GANC: variants seen among roughly 807,000 people sequenced by gnomAD.
The protein encoded by GANC is neutral alpha-glucosidase C.
A neutral mutation model predicts 124.2 loss-of-function variants in GANC; 117 were observed. The observed-to-expected ratio is 0.94, with a 90% confidence interval of 0.81 to 1.10. The LOEUF is 1.10. Among genes scored for constraint, GANC ranks in the 50% least tolerant of loss-of-function variants. The pLI is 0.00. For missense variants in GANC, 1,140 were observed against 1,095.0 expected, an observed-to-expected ratio of 1.04 and a Z score of -0.58; for synonymous variants, 377 against 376.8, an observed-to-expected ratio of 1.00 and a Z score of -0.01.
intron 23 of GANC, 124 bp downstream of exon 23, chr15:42,351,556 T>C (rs887797632): frequency 3.1e-5 from 21 of 669,408 alleles, no homozygotes; most frequent in Non-Finnish European, 5.5e-5. Flanking sequence ...CAGGTAGAGG[T>C]GAAATATACT....
chr15:42,327,530 T>C (rs1333589632), intron 13 of GANC, 88 bp downstream of exon 13: 8 of 1,051,652 alleles, frequency 7.6e-6, no homozygotes, highest in Admixed American at 3.8e-5. Context: ...TTCTTTTTCA[T>C]TGAGTAGCTT....
At chr15:42,341,990 C>T (rs1056168746) in intron 18 of GANC, among the ~76,000 whole-genome samples, 7 of 152,046 alleles carry the variant, frequency 4.6e-5, no homozygotes, top group African/African-American at 1.5e-4. Context: ...AAAATCAGCC[C>T]CTCTTATTAT....
At chr15:42,341,187 A>C (rs534142752) in intron 18 of GANC, among the ~76,000 whole-genome samples, 2 of 152,220 alleles carry the variant, frequency 1.3e-5, no homozygotes, top group Admixed American at 1.3e-4. Context: ...AAATATAGGA[A>C]ATTCCTTCAC....
intron 16 of GANC, among the ~76,000 whole-genome samples, chr15:42,339,305 A>AACACACACACACACAC (rs60116980): frequency 3.9e-4 from 46 of 119,248 alleles, no homozygotes; most frequent in Admixed American, 6.7e-4. Context: ...ACCCCCCTCC[A>AACACACACACACACAC]ACACACACAC....
At chr15:42,350,022 CTTTTTTTTTT>C (rs753077889) in intron 22 of GANC, among the ~76,000 whole-genome samples, 7 of 75,040 alleles carry the variant, frequency 9.3e-5, no homozygotes, top group Admixed American at 2.0e-4. Context: ...CTTTCCCCCA[CTTTTTTTTTT>C]TTTTTTTTTT....
rs1287568154 is a variant in GANC, at chr15:42,310,264, GATA to G, written c.723-16_723-14del. On this transcript the variant is annotated splice_polypyrimidine_tract_variant and intron_variant, in intron 8 of 23. Coordinates refer to ENST00000318010, the MANE Select transcript of GANC (RefSeq NM_198141.3). ...TAATATATTTGTGATGGTAATTGAT[GATA>G]ATCTTTGTGTTTCAGTGATGGAGAT... 6 of 1,548,974 alleles carry G rather than the reference GATA, an allele frequency of 3.9e-6. No individual in the cohort carries two copies. The highest frequency in any genetic ancestry group is 5.3e-6 in the Non-Finnish European group (6 of 1,138,730).
chr15:42,293,741 T>C (rs1193403613), intron 5 of GANC, among the ~76,000 whole-genome samples: 1 of 151,714 alleles, frequency 6.6e-6, no homozygotes, highest in African/African-American at 2.4e-5. Context: ...TACCCACTAC[T>C]CATGTTCTTT....
intron 17 of GANC, among the ~76,000 whole-genome samples, chr15:42,340,274 GAA>G (rs1367025629): frequency 1.3e-5 from 2 of 152,130 alleles, no homozygotes; most frequent in Non-Finnish European, 2.9e-5. Flanking sequence ...TGAATCATAT[GAA>G]AAAGAGTCTT....
intron 2 of GANC, among the ~76,000 whole-genome samples, chr15:42,277,703 C>T (rs184331189): frequency 0.017 from 2,535 of 151,658 alleles, 73 homozygotes; most frequent in African/African-American, 0.059. Context: ...TGGGTTCAAG[C>T]GATTCTTCTG....
At chr15:42,350,022 C>CT (rs753077889) in intron 22 of GANC, among the ~76,000 whole-genome samples, 24,618 of 74,104 alleles carry the variant, frequency 0.33, 5,123 homozygotes, top group Non-Finnish European at 0.44. Flanking sequence ...CTTTCCCCCA[C>CT]TTTTTTTTTT....
intron 2 of GANC, chr15:42,278,078 G>T (rs1163498367): frequency 1.4e-5 from 5 of 367,388 alleles, no homozygotes; most frequent in African/African-American, 1.0e-4. Flanking sequence ...GAAGTCTACA[G>T]TGAATGCCTG....
chr15:42,291,358 A>C (rs902205306), intron 4 of GANC, among the ~76,000 whole-genome samples: 1 of 152,166 alleles, frequency 6.6e-6, no homozygotes, highest in Non-Finnish European at 1.5e-5. Context: ...GAACTCAGCT[A>C]TGGATTCTTC....
intron 6 of GANC, among the ~76,000 whole-genome samples, chr15:42,305,954 G>A (rs2051991098): frequency 6.6e-6 from 1 of 151,392 alleles, no homozygotes; most frequent in African/African-American, 2.4e-5. Context: ...GGGATGGGGG[G>A]CTAGGGGAGA....
At chr15:42,276,291 A>C in intron 1 of GANC, 57 bp from the exon 2 acceptor site, 1 of 822,486 alleles carries the variant, frequency 1.2e-6, no homozygotes, top group Non-Finnish European at 2.1e-6. Flanking sequence ...GAAGGTACAA[A>C]AGTTGGATTC....
At chr15:42,349,632 T>TTTTTCTTTTC (rs752285997) in intron 22 of GANC, 137 bp downstream of exon 22, 1 of 631,812 alleles carries the variant, frequency 1.6e-6, no homozygotes, top group African/African-American at 1.9e-5. Context: ...CCGGAATATT[T>TTTTTCTTTTC]TTTTCTTTTC....
chr15:42,332,000 G>C (rs1441378922), intron 15 of GANC, among the ~76,000 whole-genome samples: 2 of 152,040 alleles, frequency 1.3e-5, no homozygotes, highest in Non-Finnish European at 2.9e-5. Flanking sequence ...AATCAAATCA[G>C]AGTAATTGGG....
chr15:42,352,762 G>A lies in GANC; in HGVS notation c.*623G>A. ...GTTTCTAATTAATCTTAAAATCCAT[G>A]TCTTTTACATTGTTTTTTTAATTAA... On this transcript the variant is annotated 3_prime_UTR_variant, in exon 24 of 24. Coordinates refer to ENST00000318010, the MANE Select transcript of GANC (RefSeq NM_198141.3). 1 of 976,738 alleles carries A rather than the reference G, an allele frequency of 1.0e-6. No homozygotes were observed. Among genetic ancestry groups the A allele is most frequent in the Admixed American group, 6.1e-5 (1 of 16,274 alleles). The allele number at this position is 976,738 out of a possible 1,614,324, so 60.5% of individuals were successfully genotyped here.
At chr15:42,341,567 A>AT (rs569629807) in intron 18 of GANC, among the ~76,000 whole-genome samples, 132 of 143,274 alleles carry the variant, frequency 9.2e-4, no homozygotes, top group East Asian at 1.2e-3. Context: ...TCTGAGTTCT[A>AT]TTTTTTTTTT....
intron 10 of GANC, among the ~76,000 whole-genome samples, chr15:42,316,887 C>A (rs1000452132): frequency 1.4e-4 from 21 of 152,230 alleles, no homozygotes; most frequent in African/African-American, 5.1e-4. Flanking sequence ...TAGGTCACTT[C>A]TCACAATGTC....
Sources: gnomAD v4.1 joint callset for allele counts (sites outside exome capture counted in the v4.1 genomes callset) on GRCh38, gnomAD v4.1.1 for gene constraint, MANE v1.5 for transcripts, NCBI Gene and HGNC (gene_info 2026-07-23, HGNC 2026-07-21) for gene names.